The following LAMA1 variants were observed in gnomAD, a reference collection of about 807,000 sequenced individuals.
LAMA1 encodes laminin subunit alpha 1, also known as laminin subunit alpha-1.
In LAMA1, 219 loss-of-function variants were observed where a neutral mutation model predicts 348.7. The observed-to-expected ratio is 0.63, with a 90% CI of 0.56 to 0.70. The LOEUF (loss-of-function observed/expected upper bound fraction) is 0.70. LAMA1 is among the 30% of genes least tolerant of loss of function. LAMA1 has a pLI of 0.00. For missense variants in LAMA1, 3,744 were observed against 3,888.0 expected (o/e 0.96, Z 0.99); for synonymous variants, 1,487 against 1,491.0 (o/e 1.00, Z 0.06).
chr18:6,975,308 C>T (rs2057677016), intron 45 of LAMA1, among the ~76,000 whole-genome samples: 1 of 152,172 alleles, frequency 6.6e-6, no homozygotes, highest in Non-Finnish European at 1.5e-5. Flanking sequence ...GGAAAATTCG[C>T]TGCAGGTCAC....
intron 29 of LAMA1, 86 bp downstream of exon 29, chr18:7,007,052 GC>G: frequency 6.4e-7 from 1 of 1,554,442 alleles, no homozygotes; most frequent in Non-Finnish European, 8.8e-7. Flanking sequence ...CTAAACCAAG[GC>G]ACGGCTATGA....
chr18:7,001,821 A>G (rs1171864937), intron 30 of LAMA1, among the ~76,000 whole-genome samples: 1 of 152,174 alleles, frequency 6.6e-6, no homozygotes, highest in East Asian at 1.9e-4. Flanking sequence ...ACTAGTCCCA[A>G]TTTTATCACC....
At chr18:6,949,421 T>C (rs1016841850) in intron 58 of LAMA1, among the ~76,000 whole-genome samples, 162 bp from the exon 59 acceptor site, 3 of 152,188 alleles carry the variant, frequency 2.0e-5, no homozygotes, top group African/African-American at 7.2e-5. Flanking sequence ...TGACGAAAAG[T>C]GGATGAGCCT....
intron 3 of LAMA1, among the ~76,000 whole-genome samples, chr18:7,058,224 A>C (rs2085015472): frequency 6.6e-6 from 1 of 152,160 alleles, no homozygotes. Flanking sequence ...GTAGTGAAAA[A>C]CTTCAGGACA....
In LAMA1 at chr18:7,080,336, G is replaced by A; in HGVS notation, c.183C>T (p.Val61=). Reference sequence around the variant, plus strand: ...CACAGATCCGGCACTGTGGGTTTCGGACGGGCCGACCTGGCACATGCTCCA... The same window carrying A: ...CACAGATCCGGCACTGTGGGTTTCGAACGGGCCGACCTGGCACATGCTCCA... ...KLVEHVPGRP[V]RNPQCRICDG... The change falls in exon 2 of 63, where the codon GTC becomes GTT. Residue 61 remains valine (V), a synonymous_variant. Coordinates refer to ENST00000389658, the MANE Select transcript of LAMA1 (RefSeq NM_005559.4). 1 of 1,614,258 alleles carries A rather than the reference G, an allele frequency of 6.2e-7. No homozygotes were observed.
At chr18:6,949,443 G>A (rs557466149) in intron 58 of LAMA1, among the ~76,000 whole-genome samples, 184 bp from the exon 59 acceptor site, 73 of 152,330 alleles carry the variant, frequency 4.8e-4, no homozygotes, top group African/African-American at 1.6e-3. Context: ...GCAGAAGAAA[G>A]GAGGCAGGTA....
chr18:7,041,240 G>A (rs1432688881), intron 9 of LAMA1, among the ~76,000 whole-genome samples: 6 of 152,162 alleles, frequency 3.9e-5, no homozygotes, highest in Non-Finnish European at 7.3e-5. Flanking sequence ...CCTTCAGGCA[G>A]TTAACCTTCT....
intron 1 of LAMA1, among the ~76,000 whole-genome samples, chr18:7,106,233 G>C (rs2058311215): frequency 1.3e-5 from 2 of 152,198 alleles, no homozygotes; most frequent in Admixed American, 1.3e-4. Flanking sequence ...GCACCCTACA[G>C]ACAAAGCGAG....
chr18:7,098,188 T>G (rs1224666228), intron 1 of LAMA1, among the ~76,000 whole-genome samples: 1 of 151,908 alleles, frequency 6.6e-6, no homozygotes, highest in African/African-American at 2.4e-5. Flanking sequence ...TGGCGTGATC[T>G]CGGCTCGCTA....
rs928985177 is a variant in LAMA1, at chr18:6,978,367, T to A, written c.6019A>T (p.Lys2007Ter). ...GCCAGCTCTTTGGTTTTGGCTCCCTTGTCTCTTATACCTAAAATAAATGTA... is the reference window on the plus strand; with the variant it reads ...GCCAGCTCTTTGGTTTTGGCTCCCTAGTCTCTTATACCTAAAATAAATGTA... ...LRAIPKGIRD[K>*]GAKTKELATS... Residue 2007 changes from lysine to a stop codon, truncating the protein, a stop_gained, in exon 43 of 63, where the codon AAG becomes TAG. Coordinates refer to ENST00000389658, the MANE Select transcript of LAMA1 (RefSeq NM_005559.4). LOFTEE classifies it high-confidence loss of function. 6.2e-7 allele frequency: 1 copy of A among 1,614,118 alleles called. No homozygotes were observed. Among genetic ancestry groups the A allele is most frequent in the Non-Finnish European group, 8.5e-7 (1 of 1,180,030 alleles).
At chr18:7,042,384 T>G in intron 8 of LAMA1, 134 bp from the exon 9 acceptor site, 3 of 675,750 alleles carry the variant, frequency 4.4e-6, no homozygotes, top group Non-Finnish European at 8.2e-6. Context: ...GGGTGGGGGT[T>G]AGGTTTGAGG....
rs919403365 is a variant in LAMA1, at chr18:6,955,980, G to A, written c.8095-515C>T. 16 of 311,070 alleles carry A rather than the reference G, an allele frequency of 5.1e-5. No individual in the cohort carries two copies. In the Admixed American group the frequency reaches 6.3e-4, roughly 12 times the overall value. 19.3% of individuals were successfully genotyped at this position (311,070 alleles called of 1,614,324 possible). On this transcript the variant is annotated intron_variant, in intron 56 of 62. Transcript: ENST00000389658. ...GGCGGGAAGGGCCCCTGAACCCCAC[G>A]CAACCATCTGCGGGCTGTCCTAAGA...
At chr18:7,099,843 G>C (rs2058284175) in intron 1 of LAMA1, among the ~76,000 whole-genome samples, 1 of 152,022 alleles carries the variant, frequency 6.6e-6, no homozygotes, top group Non-Finnish European at 1.5e-5. Flanking sequence ...CAGATCATGA[G>C]GTCAGGAGAT....
chr18:7,016,419 G>A, intron 21 of LAMA1, 72 bp downstream of exon 21: 1 of 1,560,864 alleles, frequency 6.4e-7, no homozygotes, highest in Non-Finnish European at 8.8e-7. Flanking sequence ...AAATTAGTTG[G>A]AAGTAGAGGG....
chr18:6,968,847 A>T (rs954595346), intron 48 of LAMA1, among the ~76,000 whole-genome samples: 11 of 152,226 alleles, frequency 7.2e-5, no homozygotes, highest in African/African-American at 2.7e-4. Context: ...AAAATTTTTT[A>T]AAAATTTAGA....
chr18:7,086,147 C>T (rs1235693392), intron 1 of LAMA1, among the ~76,000 whole-genome samples: 2 of 152,166 alleles, frequency 1.3e-5, no homozygotes. Context: ...CCAGGCACCT[C>T]CCAGGGCACT....
At chr18:7,110,050 G>A (rs938107476) in intron 1 of LAMA1, among the ~76,000 whole-genome samples, 4 of 151,962 alleles carry the variant, frequency 2.6e-5, no homozygotes, top group Admixed American at 6.6e-5. Flanking sequence ...GTGTAGTGGC[G>A]CGCACCTGTG....
Position 6,948,520 on chromosome 18 carries a change from T to A in LAMA1, c.8593A>T (p.Thr2865Ser). 1 of 1,614,174 alleles carries A rather than the reference T, an allele frequency of 6.2e-7. No individual in the cohort carries two copies. Among genetic ancestry groups the A allele is most frequent in the Non-Finnish European group, 8.5e-7 (1 of 1,180,038 alleles). The change falls in exon 60 of 63, where the codon ACG (threonine) becomes TCG (serine). Residue 2865 changes from threonine to serine, a missense_variant. Coordinates refer to ENST00000389658, the MANE Select transcript of LAMA1 (RefSeq NM_005559.4). ...TTGTCCAGCTGTTTGCTGTTAACCG[T>A]CACATCCCCAATGCAGGCAGGGATG... Reference protein sequence around the residue: ...HSIPACIGDVTVNSKQLDKDS... With the variant: ...HSIPACIGDVSVNSKQLDKDS...
At chr18:7,115,752 C>T (rs1267669630) in intron 1 of LAMA1, among the ~76,000 whole-genome samples, 9 of 141,300 alleles carry the variant, frequency 6.4e-5, no homozygotes, top group Non-Finnish European at 1.2e-4. Context: ...GGGCTGATCA[C>T]GAGGTCAGGA....
Sources: gnomAD v4.1 joint callset for allele counts (sites outside exome capture counted in the v4.1 genomes callset) on GRCh38, gnomAD v4.1.1 for gene constraint, MANE v1.5 for transcripts, NCBI Gene and HGNC (gene_info 2026-07-23, HGNC 2026-07-21) for gene names.